TBL1X: variants seen among roughly 807,000 people sequenced by gnomAD.
TBL1X encodes transducin beta like 1 X-linked, also known as F-box-like/WD repeat-containing protein TBL1X.
Under a neutral mutation model 50.7 loss-of-function variants are expected in TBL1X, and 10 were observed. The observed-to-expected ratio is 0.20, with a 90% CI of 0.12 to 0.33. The LOEUF is 0.33. TBL1X is among the 10% of genes least tolerant of loss of function. The pLI, the probability that TBL1X is intolerant of heterozygous loss-of-function variation, is 1.00. For synonymous variants in TBL1X, 190 were observed against 214.7 expected, an observed-to-expected ratio of 0.88 and a Z score of 1.01; for missense variants, 340 against 504.4, an observed-to-expected ratio of 0.67 and a Z score of 3.12.
chrX:9,710,253 AC>A (rs2083238122), intron 15 of TBL1X, among the ~76,000 whole-genome samples: 1 of 103,206 alleles, frequency 9.7e-6, no homozygotes, highest in Non-Finnish European at 2.0e-5. Context: ...AAGAAAAAAA[AC>A]CACCCAACAT....
chrX:9,568,005 T>C (rs1038405629), intron 2 of TBL1X, among the ~76,000 whole-genome samples: 8 of 111,618 alleles, frequency 7.2e-5, no homozygotes. Flanking sequence ...AGTTCAGTGC[T>C]CCCCCTTAGT....
intron 1 of TBL1X, among the ~76,000 whole-genome samples, chrX:9,465,995 CCCGTGTCTGCTCAGTTTCTGACG>C (rs1383088676): frequency 8.8e-6 from 1 of 113,100 alleles, no homozygotes; most frequent in Non-Finnish European, 1.9e-5. Context: ...TGGCGCGGGC[CCCGTGTCTGCTCAGTTTCTGACG>C]CGCAGAAACT....
intron 2 of TBL1X, among the ~76,000 whole-genome samples, chrX:9,623,014 T>C (rs964802556): frequency 9.0e-6 from 1 of 111,529 alleles, no homozygotes; most frequent in African/African-American, 3.3e-5. Flanking sequence ...ACTTGCTGGA[T>C]CACATGGTAA....
At chrX:9,633,268 A>G (rs2082730243) in intron 2 of TBL1X, among the ~76,000 whole-genome samples, 1 of 112,185 alleles carries the variant, frequency 8.9e-6, no homozygotes, top group Admixed American at 9.4e-5. Flanking sequence ...TATGTCATAA[A>G]TACAACTTTA....
chrX:9,560,146 G>T (rs2082318157), intron 2 of TBL1X, among the ~76,000 whole-genome samples: 1 of 112,144 alleles, frequency 8.9e-6, no homozygotes, highest in South Asian at 3.7e-4. Context: ...GTCACCTGTG[G>T]AGTTCCACGA....
intron 1 of TBL1X, among the ~76,000 whole-genome samples, chrX:9,474,486 G>A (rs1246808257): frequency 8.8e-6 from 1 of 113,311 alleles, no homozygotes; most frequent in Non-Finnish European, 1.9e-5. Flanking sequence ...CAGAGGTACA[G>A]GTATTAGTGA....
chrX:9,649,188 A>G (rs1231073208), intron 3 of TBL1X, among the ~76,000 whole-genome samples: 1 of 112,397 alleles, frequency 8.9e-6, no homozygotes, highest in Admixed American at 9.4e-5. Flanking sequence ...CTTGTATCTA[A>G]TAATCTAAGA....
intron 1 of TBL1X, among the ~76,000 whole-genome samples, chrX:9,488,051 T>C (rs1454648844): frequency 8.9e-6 from 1 of 111,981 alleles, no homozygotes; most frequent in African/African-American, 3.2e-5. Flanking sequence ...TTGGAGAATA[T>C]GGAGGGTGAT....
intron 2 of TBL1X, among the ~76,000 whole-genome samples, chrX:9,625,667 G>A (rs746994528): frequency 3.9e-4 from 44 of 112,553 alleles, no homozygotes; most frequent in Non-Finnish European, 7.9e-4. Flanking sequence ...GGCCGAGTGC[G>A]GTGGCTCACG....
intron 1 of TBL1X, among the ~76,000 whole-genome samples, chrX:9,471,682 G>C (rs1453287900): frequency 8.9e-6 from 1 of 111,917 alleles, no homozygotes; most frequent in Non-Finnish European, 1.9e-5. Flanking sequence ...TCCGGGGAGT[G>C]CGGCAGTTCT....
chrX:9,616,715 T>C (rs2146564175), intron 2 of TBL1X, among the ~76,000 whole-genome samples: 1 of 112,357 alleles, frequency 8.9e-6, no homozygotes, highest in South Asian at 3.7e-4. Context: ...GACAACTTTA[T>C]TATTACTAAG....
chrX:9,464,002 G>A (rs1478408264), upstream of TBL1X, among the ~76,000 whole-genome samples: 1 of 112,239 alleles, frequency 8.9e-6, no homozygotes, highest in Non-Finnish European at 1.9e-5. Context: ...TGAGGTTATA[G>A]TTTAGATTGC....
intron 16 of TBL1X, among the ~76,000 whole-genome samples, chrX:9,712,673 C>CAT (rs1250794798): frequency 3.6e-5 from 4 of 111,875 alleles, no homozygotes. Flanking sequence ...TGTTTGAGGA[C>CAT]ATAAGGTATG....
chrX:9,558,924 G>T, intron 2 of TBL1X, among the ~76,000 whole-genome samples: 1 of 111,900 alleles, frequency 8.9e-6, no homozygotes. Flanking sequence ...TCATAATGAG[G>T]GTTATTTTAA....
intron 2 of TBL1X, among the ~76,000 whole-genome samples, chrX:9,569,020 C>T (rs914131276): frequency 1.1e-5 from 1 of 91,647 alleles, no homozygotes; most frequent in South Asian, 5.4e-4. Context: ...GCAGTGTGCT[C>T]TTTGTGTGTG....
chrX:9,701,848 G>A lies in TBL1X; in HGVS notation c.1115-3145G>A, dbSNP rs145804443. Among the ~76,000 whole-genome samples, 912 of 111,698 alleles carry A rather than the reference G, an allele frequency of 8.2e-3. 9 individuals carry two copies. The highest frequency in any genetic ancestry group is 0.028 in the African/African-American group (856 of 30,696). On this transcript the variant is annotated intron_variant, in intron 12 of 17. Coordinates refer to ENST00000645353, the MANE Select transcript of TBL1X (RefSeq NM_005647.4). ...CTCAGGCGATGTTGTAAACGAGAACGAAGAAAATGCGTCAAGAACTGTGGG... is the reference window on the plus strand; with the variant it reads ...CTCAGGCGATGTTGTAAACGAGAACAAAGAAAATGCGTCAAGAACTGTGGG...
chrX:9,682,810 C>A (rs957674721), intron 5 of TBL1X, among the ~76,000 whole-genome samples: 2 of 112,044 alleles, frequency 1.8e-5, no homozygotes, highest in African/African-American at 6.5e-5. Context: ...GCAGAGTGGT[C>A]TAACCAGGGA....
intron 5 of TBL1X, among the ~76,000 whole-genome samples, chrX:9,678,018 GTCCT>G (rs2083004575): frequency 9.0e-6 from 1 of 111,476 alleles, no homozygotes; most frequent in Admixed American, 9.5e-5. Flanking sequence ...ATCCAATATG[GTCCT>G]TCCTTCTTTC....
intron 2 of TBL1X, among the ~76,000 whole-genome samples, chrX:9,625,869 G>A (rs774775510): frequency 8.9e-6 from 1 of 112,399 alleles, no homozygotes; most frequent in African/African-American, 3.2e-5. Context: ...AACCCGGCGG[G>A]GGGGCGGAGG....
Sources: allele counts gnomAD v4.1 joint callset (sites outside exome capture counted in the v4.1 genomes callset), GRCh38; gene constraint gnomAD v4.1.1; transcripts MANE v1.5; gene names NCBI Gene and HGNC (gene_info 2026-07-23, HGNC 2026-07-21).